Variants in ADIPOR1 observed in about 807,000 individuals in gnomAD.
ADIPOR1 encodes the protein adiponectin receptor 1, also known as adiponectin receptor protein 1.
In ADIPOR1, 15 loss-of-function variants were observed where a neutral mutation model predicts 37.5. That is an observed-to-expected ratio of 0.40 (90% CI 0.27 to 0.62). ADIPOR1 has a LOEUF of 0.62. Ranked by LOEUF, ADIPOR1 falls within the 20% of genes least tolerant of loss-of-function variation. ADIPOR1 has a pLI of 0.42. For synonymous variants in ADIPOR1, 173 were observed against 173.2 expected, an observed-to-expected ratio of 1.00 and a Z score of 0.01; for missense variants, 286 against 478.0, an observed-to-expected ratio of 0.60 and a Z score of 3.75.
chr1:202,942,580 G>A (rs963914269), intron 6 of ADIPOR1, among the ~76,000 whole-genome samples: 11 of 152,186 alleles, frequency 7.2e-5, no homozygotes, highest in African/African-American at 2.7e-4. Flanking sequence ...GAGAAGCATA[G>A]GATAGGCTTC....
In ADIPOR1 at chr1:202,941,551, T is replaced by C. The variant is rs1427989005; in HGVS notation, c.*22A>G. 1 of 1,591,652 alleles carries C rather than the reference T, an allele frequency of 6.3e-7. No individual in the cohort carries two copies. Among genetic ancestry groups the C allele is most frequent in the South Asian group, 1.1e-5 (1 of 87,022 alleles). On this transcript the variant is annotated 3_prime_UTR_variant, in exon 8 of 8. Coordinates refer to ENST00000340990, the MANE Select transcript of ADIPOR1 (RefSeq NM_015999.6). The stretch of plus-strand genomic sequence containing the variant: ...TTAAAAGCACTTGGGAAGTTCCTCC[T>C]CCACCCCGCAGGTGGGAAGGCTCAG...
intron 3 of ADIPOR1, among the ~76,000 whole-genome samples, chr1:202,947,625 G>C (rs1045543904): frequency 2.0e-5 from 3 of 152,002 alleles, no homozygotes; most frequent in East Asian, 3.9e-4. Context: ...TTTAAAAAAC[G>C]TACAGATCCC....
At chr1:202,952,777 C>G (rs994123603) in intron 1 of ADIPOR1, among the ~76,000 whole-genome samples, 3 of 152,154 alleles carry the variant, frequency 2.0e-5, no homozygotes, top group Non-Finnish European at 2.9e-5. Context: ...GCCAATTCCC[C>G]GAATAAATCC....
At chr1:202,949,340 G>C (rs1654465039) in intron 2 of ADIPOR1, among the ~76,000 whole-genome samples, 1 of 151,400 alleles carries the variant, frequency 6.6e-6, no homozygotes, top group African/African-American at 2.4e-5. Context: ...CAGCACTTTG[G>C]GAGGCCGAGG....
chr1:202,950,801 A>G lies in ADIPOR1; in HGVS notation c.141+129T>C, dbSNP rs572968948. 13 of 1,280,316 alleles carry G rather than the reference A, an allele frequency of 1.0e-5. No individual in the cohort carries two copies. In the Admixed American group the frequency reaches 1.8e-4, roughly 18 times the overall value. 79.3% of individuals were successfully genotyped at this position (1,280,316 alleles called of 1,614,324 possible). A position where few individuals can be genotyped will look rare whatever the true frequency, so the allele number is the denominator to read the frequency against. ...AGATGTTTATAACAGTATCATAGGG[A>G]CTTGGATAGAGACATTTCCAGGATG... On this transcript the variant is annotated intron_variant, in intron 2 of 7. Transcript: ENST00000340990.
rs753379357 is a variant in ADIPOR1, at chr1:202,943,754, C to A, written c.805+4G>T. The A allele has an allele frequency of 1.9e-6, 3 of 1,612,664 alleles. No individual in the cohort carries two copies. Among genetic ancestry groups the A allele is most frequent in the Admixed American group, 1.7e-5 (1 of 60,010 alleles). ...CTGAGGTGTACGTACATCTTCCGAC[C>A]TACCTGCTCTTGTCTGCCGGTGCTT... On this transcript the variant is annotated splice_donor_region_variant and intron_variant, in intron 6 of 7. Transcript: ENST00000340990.
chr1:202,958,424 T>TCCCGCCCCGGGC (rs1379201526), upstream of ADIPOR1: 2 of 151,586 alleles, frequency 1.3e-5, no homozygotes, highest in Admixed American at 6.6e-5. Flanking sequence ...CGGCCACACC[T>TCCCGCCCCGGGC]CCCGCCCCGG....
In ADIPOR1 at chr1:202,951,153, T is replaced by C; in HGVS notation, c.-83A>G. 1 of 1,539,446 alleles carries C rather than the reference T, an allele frequency of 6.5e-7. No individual in the cohort carries two copies. Among genetic ancestry groups the C allele is most frequent in the Non-Finnish European group, 8.9e-7 (1 of 1,124,766 alleles). On this transcript the variant is annotated 5_prime_UTR_variant, in exon 2 of 8. Transcript: ENST00000340990. ...GCCCCAGGGGGCAGAGATCTCCCTC[T>C]GATGGTAGACACTAAAAGAAAATAC...
In ADIPOR1 at chr1:202,943,877, T is replaced by C; in HGVS notation, c.686A>G (p.Tyr229Cys). 1.9e-6 allele frequency: 3 copies of C among 1,614,028 alleles called. No individual in the cohort carries two copies. The highest frequency in any genetic ancestry group is 2.5e-6 in the Non-Finnish European group (3 of 1,179,980). The change falls in exon 6 of 8, where the codon TAC becomes TGC. Residue 229 changes from tyrosine to cysteine, a missense_variant. Transcript: ENST00000340990. ...GATGAGCCGTGGCTGTGGGGAGCAG[T>C]AGAAGGAATAATAGAGCCAGGGGAC... The part of the protein sequence containing the change: ...SFVPWLYYSF[Y>C]CSPQPRLIYL...
rs773250168 is a variant in ADIPOR1, at chr1:202,946,437, A to AC, written c.430+1dup. On this transcript the variant is annotated splice_donor_variant, in intron 4 of 7. Coordinates refer to ENST00000340990, the MANE Select transcript of ADIPOR1 (RefSeq NM_015999.6). LOFTEE classifies it high-confidence loss of function. ...CCACCTTTCCCCATCCAAATCACTC[A>AC]CCAAGCAGATGGGTCCAGATGTTGC... is the stretch of plus-strand genomic sequence containing the variant. 6.2e-7 allele frequency: 1 copy of AC among 1,613,896 alleles called. No homozygotes were observed. Among genetic ancestry groups the AC allele is most frequent in the Non-Finnish European group, 8.5e-7 (1 of 1,179,990 alleles).
intron 2 of ADIPOR1, among the ~76,000 whole-genome samples, chr1:202,950,521 T>TG (rs1249548303): frequency 6.6e-6 from 1 of 152,098 alleles, no homozygotes; most frequent in Non-Finnish European, 1.5e-5. Flanking sequence ...CACAGGTGCC[T>TG]GACAGTGGTG....
rs1483144544 is a variant in ADIPOR1 at position 202,958,216 on chromosome 1, G to T, written c.-126C>A. 6.6e-6 allele frequency: 1 copy of T among 151,992 alleles called. No homozygotes were observed. Among genetic ancestry groups the T allele is most frequent in the Non-Finnish European group, 1.5e-5 (1 of 67,976 alleles). The allele number at this position is 151,992 out of a possible 1,614,324, so 9.4% of individuals were successfully genotyped here. On this transcript the variant is annotated 5_prime_UTR_variant, in exon 1 of 8. Coordinates refer to ENST00000340990, the MANE Select transcript of ADIPOR1 (RefSeq NM_015999.6). ...GCAGGCGGGCTCTGCTGGGGGCCGC[G>T]GTCCCCCGCGCTACATCCCGCGGCG...
At chr1:202,953,229 T>C (rs1654646736) in intron 1 of ADIPOR1, among the ~76,000 whole-genome samples, 1 of 107,358 alleles carries the variant, frequency 9.3e-6, no homozygotes, top group South Asian at 3.1e-4. Flanking sequence ...AAATACTTTA[T>C]ATCGCAAGCA....
Position 202,943,862 on chromosome 1 carries a change from G to A in ADIPOR1, c.701C>T (p.Pro234Leu). ...LYYSFYCSPQ[P>L]RLIYLSIVCV... ...GACGATGGAGAGGTAGATGAGCCGT[G>A]GCTGTGGGGAGCAGTAGAAGGAATA... is the stretch of plus-strand genomic sequence containing the variant. The change falls in exon 6 of 8, where the codon CCA becomes CTA. Residue 234 changes from proline (P) to leucine (L), a missense_variant. Pro to Leu is a moderately conservative substitution (Grantham distance 98). Transcript: ENST00000340990. The A allele has an allele frequency of 1.2e-6, 2 of 1,614,210 alleles. No homozygotes were observed. Among genetic ancestry groups the A allele is most frequent in the Non-Finnish European group, 8.5e-7 (1 of 1,180,018 alleles).
chr1:202,945,376 G>A (rs893733694), intron 4 of ADIPOR1, among the ~76,000 whole-genome samples: 5 of 152,116 alleles, frequency 3.3e-5, no homozygotes, highest in African/African-American at 1.2e-4. Flanking sequence ...GCATGGATAT[G>A]GTAAAAGGGG....
rs1654208999 is a variant in ADIPOR1 at position 202,944,105 on chromosome 1, T to C, written c.618-160A>G. ...CATACAATCTATCCTGTATTCTGGA[T>C]TAAAATTCCACAAGGTCACTTCTAT... is the stretch of plus-strand genomic sequence containing the variant. On this transcript the variant is annotated intron_variant, in intron 5 of 7. Coordinates refer to ENST00000340990, the MANE Select transcript of ADIPOR1 (RefSeq NM_015999.6). The C allele has an allele frequency of 8.0e-6, 5 of 627,636 alleles. No individual in the cohort carries two copies. In the East Asian group the frequency reaches 1.1e-4, roughly 14 times the overall value. The allele number at this position is 627,636 out of a possible 1,614,324, so 38.9% of individuals were successfully genotyped here.
chr1:202,947,520 A>ATAT (rs1654383662), intron 3 of ADIPOR1, among the ~76,000 whole-genome samples: 2 of 147,178 alleles, frequency 1.4e-5, no homozygotes, highest in African/African-American at 5.4e-5. Context: ...CTGTCTCAAA[A>ATAT]AAATATATAT....
intron 6 of ADIPOR1, 119 bp downstream of exon 6, chr1:202,943,639 A>T (rs1188259580): frequency 3.5e-6 from 4 of 1,157,708 alleles, no homozygotes; most frequent in Non-Finnish European, 3.6e-6. Flanking sequence ...AAGTTCTGAA[A>T]CACAAATCAG....
chr1:202,948,456 C>T, intron 2 of ADIPOR1, 36 bp from the exon 3 acceptor site: 1 of 1,575,776 alleles, frequency 6.3e-7, no homozygotes, highest in Non-Finnish European at 8.7e-7. Context: ...TCCAGGGAGT[C>T]ATCTCATAAA....
Sources: allele counts gnomAD v4.1 joint callset (sites outside exome capture counted in the v4.1 genomes callset), GRCh38; gene constraint gnomAD v4.1.1; transcripts MANE v1.5; gene names NCBI Gene and HGNC (gene_info 2026-07-23, HGNC 2026-07-21).